The following LCORL variants were observed in gnomAD, a reference collection of about 807,000 sequenced individuals.
LCORL encodes the protein ligand-dependent nuclear receptor corepressor-like protein.
In LCORL, 41 loss-of-function variants were observed where a neutral mutation model predicts 141.8. That is an observed-to-expected ratio of 0.29 (90% CI 0.23 to 0.38). The LOEUF is 0.38. Ranked by LOEUF, LCORL falls within the 10% of genes least tolerant of loss-of-function variation. The pLI is 1.00. For synonymous variants in LCORL, 618 were observed against 694.1 expected, an observed-to-expected ratio of 0.89 and a Z score of 1.72; for missense variants, 1,759 against 2,035.0, an observed-to-expected ratio of 0.86 and a Z score of 2.61.
intron 6 of LCORL, chr4:17,883,632 A>G: frequency 2.1e-6 from 3 of 1,430,354 alleles, no homozygotes; most frequent in Non-Finnish European, 2.7e-6. Context: ...GTGTGTATAT[A>G]GACACACAAA....
At chr4:17,900,299 CA>C (rs1290731395) in intron 5 of LCORL, among the ~76,000 whole-genome samples, 4 of 152,120 alleles carry the variant, frequency 2.6e-5, no homozygotes, top group Non-Finnish European at 5.9e-5. Context: ...AAGCTTTGAA[CA>C]ATCTCTTGAT....
intron 4 of LCORL, among the ~76,000 whole-genome samples, chr4:17,924,263 T>G (rs1734765702): frequency 6.6e-6 from 1 of 152,212 alleles, no homozygotes; most frequent in African/African-American, 2.4e-5. Flanking sequence ...ATAGGATGAC[T>G]TCTTCTGTGG....
intron 4 of LCORL, among the ~76,000 whole-genome samples, chr4:17,927,582 T>C (rs1231317310): frequency 6.6e-6 from 1 of 152,198 alleles, no homozygotes; most frequent in Non-Finnish European, 1.5e-5. Context: ...TGACTCTTCC[T>C]CTCACTTAAA....
chr4:17,882,989 A>G, intron 6 of LCORL: 9 of 947,184 alleles, frequency 9.5e-6, no homozygotes, highest in Non-Finnish European at 1.0e-5. Context: ...CCATCTTATT[A>G]TATTAAAGGG....
At chr4:17,877,956 T>C in exon 7 of LCORL, 2 of 1,230,670 alleles carry the variant, frequency 1.6e-6, no homozygotes, top group Non-Finnish European at 2.0e-6. Flanking sequence ...ACAACCTCTT[T>C]CTGCCAGCCT....
intron 2 of LCORL, among the ~76,000 whole-genome samples, chr4:17,965,693 C>G (rs1714731090): frequency 6.6e-6 from 1 of 152,000 alleles, no homozygotes; most frequent in Non-Finnish European, 1.5e-5. Context: ...GTGGCTTTTC[C>G]ACATACTCAT....
exon 7 of LCORL, chr4:17,875,992 C>G: frequency 8.1e-7 from 1 of 1,230,946 alleles, no homozygotes. Flanking sequence ...TCTTCAGTTA[C>G]GTGATGGGTT....
intron 6 of LCORL, among the ~76,000 whole-genome samples, chr4:17,879,374 T>C (rs1375877452): frequency 1.3e-5 from 2 of 151,070 alleles, no homozygotes; most frequent in East Asian, 1.9e-4. Flanking sequence ...TCAAAACTTT[T>C]CTGGAAAAAA....
exon 8 of LCORL, chr4:17,842,593 C>A (rs1722520798): frequency 2.0e-6 from 1 of 498,254 alleles, no homozygotes; most frequent in Admixed American, 3.4e-5. Flanking sequence ...CTGGCATGGT[C>A]TTTAGTACTA....
intron 2 of LCORL, among the ~76,000 whole-genome samples, chr4:17,966,463 T>G (rs566996264): frequency 1.3e-5 from 2 of 152,132 alleles, no homozygotes; most frequent in Non-Finnish European, 2.9e-5. Flanking sequence ...CAAGGTAAGA[T>G]AGATAACCTC....
Position 17,848,687 on chromosome 4 carries a change from C to T in LCORL, c.5603-2786G>A, listed in dbSNP as rs556261323. 5.3e-5 allele frequency among the ~76,000 whole-genome samples: 8 copies of T among 152,270 alleles called. No homozygotes were observed. In the South Asian group the frequency reaches 8.3e-4, roughly 16 times the overall value. On this transcript the variant is annotated intron_variant, in intron 7 of 7. Transcript: ENST00000635767. The stretch of plus-strand genomic sequence containing the variant: ...GTGCCAGACAGTGGGCGCAGGACAG[C>T]GGGTGCAGTGCACCGTGTGCGAGCC...
chr4:17,948,716 T>A (rs1439191081), intron 4 of LCORL, among the ~76,000 whole-genome samples: 1 of 151,616 alleles, frequency 6.6e-6, no homozygotes, highest in African/African-American at 2.4e-5. Context: ...ATTTAAGGGA[T>A]GAAACAAAGA....
chr4:17,933,671 CTTG>C (rs1266674211), intron 4 of LCORL, among the ~76,000 whole-genome samples: 1 of 151,804 alleles, frequency 6.6e-6, no homozygotes, highest in Non-Finnish European at 1.5e-5. Flanking sequence ...TGTTTTTCTG[CTTG>C]TTTTGTTTTT....
intron 7 of LCORL, among the ~76,000 whole-genome samples, chr4:17,864,746 A>G (rs1725440908): frequency 6.6e-6 from 1 of 152,206 alleles, no homozygotes; most frequent in Admixed American, 6.5e-5. Context: ...TGTTTAATAA[A>G]AGAGATCATC....
intron 1 of LCORL, among the ~76,000 whole-genome samples, chr4:17,981,193 A>T (rs1717920729): frequency 6.6e-6 from 1 of 152,188 alleles, no homozygotes; most frequent in Non-Finnish European, 1.5e-5. Context: ...ATCCTGTCCA[A>T]CTGGTAGTTT....
intron 4 of LCORL, among the ~76,000 whole-genome samples, chr4:17,930,866 T>C (rs568196317): frequency 8.5e-5 from 13 of 152,236 alleles, no homozygotes; most frequent in Non-Finnish European, 1.6e-4. Flanking sequence ...ATTTGAAAAC[T>C]GTCTTTTTCT....
chr4:17,848,516 A>T (rs960100336), intron 7 of LCORL, among the ~76,000 whole-genome samples: 1 of 152,136 alleles, frequency 6.6e-6, no homozygotes, highest in Non-Finnish European at 1.5e-5. Context: ...CACCCAAATA[A>T]TTTTTAAATT....
chr4:18,003,856 C>T (rs1014767736), intron 1 of LCORL, among the ~76,000 whole-genome samples: 1 of 152,150 alleles, frequency 6.6e-6, no homozygotes, highest in Non-Finnish European at 1.5e-5. Context: ...CATAAAAATA[C>T]CACATAAAGT....
At chr4:17,847,135 T>C (rs894768101) in intron 7 of LCORL, among the ~76,000 whole-genome samples, 1 of 150,274 alleles carries the variant, frequency 6.7e-6, no homozygotes, top group Non-Finnish European at 1.5e-5. Context: ...TTTTAAATAT[T>C]ACTTATAGTC....
Sources: gnomAD v4.1 joint callset for allele counts (sites outside exome capture counted in the v4.1 genomes callset) on GRCh38, gnomAD v4.1.1 for gene constraint, MANE v1.5 for transcripts, NCBI Gene and HGNC (gene_info 2026-07-23, HGNC 2026-07-21) for gene names.